The following DPF3 variants were observed in gnomAD, a reference collection of about 807,000 sequenced individuals.
DPF3 encodes double PHD fingers 3.
In DPF3, 18 loss-of-function variants were observed where a neutral mutation model predicts 56.8. The ratio of observed to expected loss-of-function variants is 0.32; its 90% CI spans 0.22 to 0.47. The LOEUF (loss-of-function observed/expected upper bound fraction) is 0.47. DPF3 is among the 20% of genes least tolerant of loss of function. DPF3 has a pLI of 1.00. For synonymous variants in DPF3, 188 were observed against 180.2 expected (o/e 1.04, Z -0.35); for missense variants, 403 against 488.8 (o/e 0.82, Z 1.65).
intron 7 of DPF3, among the ~76,000 whole-genome samples, chr14:72,691,930 C>T (rs1334902037): frequency 2.0e-5 from 3 of 152,086 alleles, no homozygotes; most frequent in Admixed American, 2.0e-4. Context: ...TAAGCCACCC[C>T]ATCTGTGGGG....
At chr14:72,864,315 A>C (rs1481790261) in intron 1 of DPF3, among the ~76,000 whole-genome samples, 1 of 152,088 alleles carries the variant, frequency 6.6e-6, no homozygotes, top group African/African-American at 2.4e-5. Context: ...CACCCCCTAC[A>C]AGGGGACAAA....
At chr14:72,889,037 G>C (rs958138928) in intron 1 of DPF3, among the ~76,000 whole-genome samples, 4 of 152,158 alleles carry the variant, frequency 2.6e-5, no homozygotes, top group African/African-American at 9.7e-5. Flanking sequence ...TGAACAGATG[G>C]CTCTGAAACA....
intron 6 of DPF3, among the ~76,000 whole-genome samples, chr14:72,703,165 C>G (rs1055171286): frequency 6.6e-6 from 1 of 152,166 alleles, no homozygotes; most frequent in Non-Finnish European, 1.5e-5. Context: ...TCCACCTCCC[C>G]CCACCCCACC....
At chr14:72,706,191 C>T (rs1415145900) in intron 6 of DPF3, among the ~76,000 whole-genome samples, 5 of 152,164 alleles carry the variant, frequency 3.3e-5, no homozygotes, top group African/African-American at 1.2e-4. Flanking sequence ...ATTATTACCT[C>T]TTCCCCCTAC....
rs189729640 is a variant in DPF3 at position 72,845,341 on chromosome 14, G to A, written c.32+48716C>T. Among the ~76,000 whole-genome samples the A allele has an allele frequency of 4.6e-5, 7 of 152,314 alleles. No homozygotes were observed. In the East Asian group the frequency reaches 1.4e-3, roughly 29 times the overall value. On this transcript the variant is annotated intron_variant, in intron 1 of 10. Coordinates refer to ENST00000556509, the MANE Select transcript of DPF3 (RefSeq NM_001280542.3). Reference sequence around the variant, plus strand: ...ACCAACAGACCCAAGCTAGCCAGGTGTAGACCTCTGTGACACCTAGAGGTC... The same window carrying A: ...ACCAACAGACCCAAGCTAGCCAGGTATAGACCTCTGTGACACCTAGAGGTC...
At chr14:72,742,866 T>C (rs941486389) in intron 3 of DPF3, among the ~76,000 whole-genome samples, 9 of 152,112 alleles carry the variant, frequency 5.9e-5, no homozygotes, top group African/African-American at 2.2e-4. Flanking sequence ...GTGGGTGAAG[T>C]AGGCCTCACC....
chr14:72,744,824 T>C (rs1237944535), intron 3 of DPF3, among the ~76,000 whole-genome samples: 1 of 152,072 alleles, frequency 6.6e-6, no homozygotes, highest in East Asian at 1.9e-4. Context: ...CTCCTCACTG[T>C]CCATAGGAGA....
At chr14:72,782,985 C>G (rs1329477984) in intron 1 of DPF3, among the ~76,000 whole-genome samples, 4 of 152,138 alleles carry the variant, frequency 2.6e-5, no homozygotes, top group Non-Finnish European at 4.4e-5. Context: ...TTCATCCTGT[C>G]CCCTGCCTCC....
At chr14:72,656,384 C>T (rs991591298) in intron 8 of DPF3, among the ~76,000 whole-genome samples, 10 of 152,170 alleles carry the variant, frequency 6.6e-5, no homozygotes, top group African/African-American at 9.7e-5. Context: ...TGATCCACTA[C>T]GACTTCCAGA....
At chr14:72,639,526 G>T (rs1567186383) in intron 8 of DPF3, among the ~76,000 whole-genome samples, 1 of 152,154 alleles carries the variant, frequency 6.6e-6, no homozygotes, top group African/African-American at 2.4e-5. Context: ...TCACTTACTT[G>T]CTCTAAGGGA....
At chr14:72,743,217 G>C (rs1890199559) in intron 3 of DPF3, among the ~76,000 whole-genome samples, 1 of 152,196 alleles carries the variant, frequency 6.6e-6, no homozygotes. Context: ...TGCTCCCCAA[G>C]AGTCCTGGAG....
At chr14:72,632,629 A>AAGC (rs1302148733) in intron 8 of DPF3, among the ~76,000 whole-genome samples, 1 of 146,276 alleles carries the variant, frequency 6.8e-6, no homozygotes, top group Non-Finnish European at 1.5e-5. Context: ...GGAAGGAAAG[A>AAGC]AGCAGGAGGA....
intron 1 of DPF3, among the ~76,000 whole-genome samples, chr14:72,866,009 T>C (rs1429784982): frequency 1.3e-5 from 2 of 152,078 alleles, no homozygotes; most frequent in Non-Finnish European, 2.9e-5. Flanking sequence ...ATCACTCCAT[T>C]GCACTCCAGC....
At chr14:72,675,257 C>A (rs1886860254) in intron 7 of DPF3, among the ~76,000 whole-genome samples, 2 of 152,206 alleles carry the variant, frequency 1.3e-5, no homozygotes, top group African/African-American at 4.8e-5. Flanking sequence ...AAAATCATTC[C>A]ATTTCCAGGG....
At chr14:72,784,934 G>T (rs1212447347) in intron 1 of DPF3, among the ~76,000 whole-genome samples, 6 of 151,258 alleles carry the variant, frequency 4.0e-5, no homozygotes, top group Non-Finnish European at 2.9e-5. Flanking sequence ...TCCAGCCTGG[G>T]CAACAAGAGC....
Position 72,613,527 on chromosome 14 carries a change from T to A in DPF3, c.*5770A>T, listed in dbSNP as rs1883887735. ...CCCTCTCTCAAGGCCACCTGCCCTATGACCTGAGGTTGGCACTGGAGCAGA... is the reference window on the plus strand; with the variant it reads ...CCCTCTCTCAAGGCCACCTGCCCTAAGACCTGAGGTTGGCACTGGAGCAGA... On this transcript the variant is annotated 3_prime_UTR_variant, in exon 11 of 11. Transcript: ENST00000556509. Among the ~76,000 whole-genome samples, 1 of 152,160 alleles carries A rather than the reference T, an allele frequency of 6.6e-6. No homozygotes were observed. Among genetic ancestry groups the A allele is most frequent in the Non-Finnish European group, 1.5e-5 (1 of 68,034 alleles).
At chr14:72,727,234 C>T (rs1231416702) in intron 4 of DPF3, among the ~76,000 whole-genome samples, 1 of 152,204 alleles carries the variant, frequency 6.6e-6, no homozygotes, top group Non-Finnish European at 1.5e-5. Flanking sequence ...AAGCTCTTCC[C>T]CAGGACCATC....
chr14:72,846,753 C>T (rs1334505235), intron 1 of DPF3, among the ~76,000 whole-genome samples: 1 of 152,074 alleles, frequency 6.6e-6, no homozygotes, highest in Non-Finnish European at 1.5e-5. Context: ...CTTCCAGAGC[C>T]CTTTACTGGA....
intron 1 of DPF3, among the ~76,000 whole-genome samples, chr14:72,825,323 TATTGAATTGA>T (rs1680517343): frequency 6.6e-6 from 1 of 152,214 alleles, no homozygotes; most frequent in African/African-American, 2.4e-5. Context: ...AGTAAATACT[TATTGAATTGA>T]ATATACAGAC....
Sources: allele counts gnomAD v4.1 joint callset (sites outside exome capture counted in the v4.1 genomes callset), GRCh38; gene constraint gnomAD v4.1.1; transcripts MANE v1.5; gene names NCBI Gene and HGNC (gene_info 2026-07-23, HGNC 2026-07-21).